The following PRRC2C variants were observed in gnomAD, a reference collection of about 807,000 sequenced individuals.
The protein encoded by PRRC2C is protein PRRC2C.
Under a neutral mutation model 317.2 loss-of-function variants are expected in PRRC2C, and 72 were observed. That is an observed-to-expected ratio of 0.23 (90% CI 0.19 to 0.28). The LOEUF (loss-of-function observed/expected upper bound fraction) is 0.28, where lower values mean the gene tolerates loss of function less well. Ranked by LOEUF, PRRC2C falls within the 10% of genes least tolerant of loss-of-function variation. The pLI is 1.00. For missense variants in PRRC2C, 3,074 were observed against 3,459.7 expected (o/e 0.89, Z 2.80); for synonymous variants, 1,296 against 1,205.9 (o/e 1.07, Z -1.55).
rs150244117 is a variant in PRRC2C at position 171,512,178 on chromosome 1, A to G, written c.90A>G (p.Ser30=). The change falls in exon 2 of 35, where the codon TCA becomes TCG. Residue 30 remains serine (S), a synonymous_variant. Coordinates refer to ENST00000647382, the MANE Select transcript of PRRC2C (RefSeq NM_001387844.1). ...LSLFNTYKGK[S]LETQKTTVAA... ...TATTTAATACTTACAAGGGGAAATCATTAGAAACACAGAAAACCACAGGTG... is the reference window on the plus strand; with the variant it reads ...TATTTAATACTTACAAGGGGAAATCGTTAGAAACACAGAAAACCACAGGTG... 1.4e-4 allele frequency: 228 copies of G among 1,572,796 alleles called. 1 individual carries two copies. In the African/African-American group the frequency reaches 2.6e-3, roughly 18 times the overall value.
intron 26 of PRRC2C, among the ~76,000 whole-genome samples, chr1:171,579,032 A>G (rs565152710): frequency 1.3e-5 from 2 of 152,306 alleles, no homozygotes; most frequent in South Asian, 4.1e-4. Flanking sequence ...TGCTGGTTCA[A>G]TGGGTAGATT....
In PRRC2C at chr1:171,568,273, CTCT is replaced by C. The variant is rs775074506; in HGVS notation, c.6593_6595del (p.Ser2198del). 35 of 1,610,360 alleles carry C rather than the reference CTCT, an allele frequency of 2.2e-5. No individual in the cohort carries two copies. Among genetic ancestry groups the C allele is most frequent in the Admixed American group, 1.5e-4 (9 of 59,596 alleles). On this transcript the variant is annotated inframe_deletion, in exon 23 of 35. Transcript: ENST00000647382. ...AGTCTGTAACAGACTATACTACACC[CTCT>C]TCTTCTTTGCCTAACACCGTGGCTA...
At chr1:171,526,482 G>A (rs1674590020) in intron 10 of PRRC2C, among the ~76,000 whole-genome samples, 1 of 151,864 alleles carries the variant, frequency 6.6e-6, no homozygotes, top group Non-Finnish European at 1.5e-5. Flanking sequence ...GGACTACAGT[G>A]GTGCACCACC....
At chr1:171,537,728 T>C (rs554761441) in intron 15 of PRRC2C, among the ~76,000 whole-genome samples, 85 of 152,224 alleles carry the variant, frequency 5.6e-4, no homozygotes, top group Non-Finnish European at 1.0e-3. Flanking sequence ...TTTTTTGAGA[T>C]AGGAACTTGC....
chr1:171,518,927 G>A (rs1376168873), intron 6 of PRRC2C, among the ~76,000 whole-genome samples: 1 of 148,744 alleles, frequency 6.7e-6, no homozygotes, highest in Non-Finnish European at 1.5e-5. Context: ...CTGTCACCCA[G>A]GCTGGAGTGC....
At chr1:171,584,212 C>A in intron 29 of PRRC2C, 25 bp downstream of exon 29, 1 of 1,549,060 alleles carries the variant, frequency 6.5e-7, no homozygotes, top group Non-Finnish European at 8.9e-7. Context: ...TAGAGCAATG[C>A]ACCCTCATTG....
intron 11 of PRRC2C, 81 bp downstream of exon 11, chr1:171,527,925 CA>C (rs376951543): frequency 8.4e-7 from 1 of 1,192,606 alleles, no homozygotes; most frequent in African/African-American, 1.5e-5. Context: ...ATTTTTTATT[CA>C]AAACTTTTAT....
intron 10 of PRRC2C, among the ~76,000 whole-genome samples, 154 bp downstream of exon 10, chr1:171,525,119 A>C (rs937450455): frequency 6.6e-6 from 1 of 152,228 alleles, no homozygotes; most frequent in Non-Finnish European, 1.5e-5. Flanking sequence ...TGAATCTATC[A>C]TAATTTTTAT....
rs1284488773 is a variant in PRRC2C, at chr1:171,568,258, A to C, written c.6570A>C (p.Thr2190=). The change falls in exon 23 of 35, where the codon ACA becomes ACC. Residue 2190 remains threonine (T), a synonymous_variant. Coordinates refer to ENST00000647382, the MANE Select transcript of PRRC2C (RefSeq NM_001387844.1). ...TTACTACTTCACAGGAGTCTGTAACAGACTATACTACACCCTCTTCTTCTT... is the reference window on the plus strand; with the variant it reads ...TTACTACTTCACAGGAGTCTGTAACCGACTATACTACACCCTCTTCTTCTT... The part of the protein sequence containing the change: ...EYGTNAKESV[T]DYTTPSSSLP... 5.6e-6 allele frequency: 9 copies of C among 1,608,264 alleles called. No individual in the cohort carries two copies. The South Asian group carries it at 1.0e-4, about 18-fold the overall frequency.
At chr1:171,558,393 C>A (rs1681871625) in intron 19 of PRRC2C, among the ~76,000 whole-genome samples, 1 of 150,966 alleles carries the variant, frequency 6.6e-6, no homozygotes, top group Admixed American at 6.6e-5. Context: ...GGGTCTTGTA[C>A]ATGCATATCT....
intron 11 of PRRC2C, among the ~76,000 whole-genome samples, chr1:171,530,042 A>G (rs1479314237): frequency 6.6e-6 from 1 of 152,142 alleles, no homozygotes; most frequent in Non-Finnish European, 1.5e-5. Context: ...AAACTAAAAC[A>G]TCTAGAAAAA....
rs954489384 is a variant in PRRC2C, at chr1:171,576,186, C to T, written c.6955+1058C>T. ...TATGTTTACTAGACTAGCTTGAGCC[C>T]CAGTCCACTTTGGGATGGGGGGGTT... is the stretch of plus-strand genomic sequence containing the variant. On this transcript the variant is annotated intron_variant, in intron 25 of 34. Coordinates refer to ENST00000647382, the MANE Select transcript of PRRC2C (RefSeq NM_001387844.1). Among the ~76,000 whole-genome samples the T allele has an allele frequency of 2.6e-5, 4 of 152,266 alleles. No individual in the cohort carries two copies. The East Asian group carries it at 7.7e-4, about 29-fold the overall frequency.
chr1:171,547,633 C>CTTTT (rs35480518), intron 17 of PRRC2C, among the ~76,000 whole-genome samples: 74 of 129,790 alleles, frequency 5.7e-4, no homozygotes, highest in Non-Finnish European at 7.1e-4. Flanking sequence ...AGTTTCCCTT[C>CTTTT]TTTTTTTTTT....
At chr1:171,544,195 T>C (rs1244870032) in intron 16 of PRRC2C, among the ~76,000 whole-genome samples, 1 of 152,070 alleles carries the variant, frequency 6.6e-6, no homozygotes, top group Non-Finnish European at 1.5e-5. Flanking sequence ...CAATCTCTGC[T>C]CACTGCAACC....
At chr1:171,497,575 G>A (rs1284139786) in intron 1 of PRRC2C, among the ~76,000 whole-genome samples, 3 of 151,822 alleles carry the variant, frequency 2.0e-5, no homozygotes, top group African/African-American at 4.8e-5. Context: ...AGGCTCAAGC[G>A]ATCCTTCTGT....
intron 18 of PRRC2C, among the ~76,000 whole-genome samples, chr1:171,555,739 G>T (rs1408693528): frequency 6.6e-6 from 1 of 152,208 alleles, no homozygotes; most frequent in Non-Finnish European, 1.5e-5. Context: ...CTGCAGGTCT[G>T]TTGGAATTTG....
intron 26 of PRRC2C, among the ~76,000 whole-genome samples, chr1:171,578,597 G>A (rs750809953): frequency 3.1e-4 from 47 of 152,182 alleles, no homozygotes; most frequent in Admixed American, 1.9e-3. Context: ...GCTAGGCACC[G>A]TGGCTCACGC....
rs1222905924 is a variant in PRRC2C at position 171,535,452 on chromosome 1, A to C, written c.1898A>C (p.Gln633Pro). The change falls in exon 13 of 35, where the codon CAA (glutamine) becomes CCA (proline). Residue 633 changes from glutamine to proline, a missense_variant. This residue lies in a region of PRRC2C where 1,320 missense variants were observed against 1,395.7 expected (regional missense o/e 0.95). Coordinates refer to ENST00000647382, the MANE Select transcript of PRRC2C (RefSeq NM_001387844.1). Reference protein sequence around the residue: ...NKEEEPVFTRQDSNRSEKEAT... With the variant: ...NKEEEPVFTRPDSNRSEKEAT... The stretch of plus-strand genomic sequence containing the variant: ...GAGGAGGAACCCGTTTTCACTAGAC[A>C]AGACAGCAATCGCAGTGAAAAGGAA... 1 of 1,613,728 alleles carries C rather than the reference A, an allele frequency of 6.2e-7. No homozygotes were observed. Among genetic ancestry groups the C allele is most frequent in the East Asian group, 2.2e-5 (1 of 44,888 alleles).
chr1:171,485,996 C>A (rs935140384), intron 1 of PRRC2C, among the ~76,000 whole-genome samples: 1 of 151,816 alleles, frequency 6.6e-6, no homozygotes, highest in Non-Finnish European at 1.5e-5. Context: ...AGTTCTGGAC[C>A]GGTCTGTCTT....
Sources: allele counts gnomAD v4.1 joint callset (sites outside exome capture counted in the v4.1 genomes callset), GRCh38; gene constraint gnomAD v4.1.1; regional missense constraint gnomAD v4.1.1; transcripts MANE v1.5; gene names NCBI Gene and HGNC (gene_info 2026-07-23, HGNC 2026-07-21).